Variants in RO60 observed in about 807,000 individuals in gnomAD.
The protein encoded by RO60 is Ro60, Y RNA binding protein.
A neutral mutation model predicts 55.3 loss-of-function variants in RO60; 20 were observed. That is an observed-to-expected ratio of 0.36 (90% confidence interval 0.25 to 0.53). The LOEUF is 0.53. Among genes scored for constraint, RO60 ranks in the 20% least tolerant of loss-of-function variants. The probability of loss-of-function intolerance (pLI) is 0.92; values close to 1 mark genes in which losing one functional copy is unlikely to be tolerated. For missense variants in RO60, 558 were observed against 646.6 expected, an observed-to-expected ratio of 0.86 and a Z score of 1.49; for synonymous variants, 213 against 213.6, an observed-to-expected ratio of 1.00 and a Z score of 0.02.
intron 2 of RO60, 77 bp downstream of exon 2, chr1:193,069,711 G>A: frequency 1.8e-6 from 2 of 1,134,954 alleles, no homozygotes; most frequent in South Asian, 1.6e-5. Context: ...TTTAACATAA[G>A]ACAAGTGTGT....
At chr1:193,067,734 A>AGGGAT (rs976717686) in intron 1 of RO60, among the ~76,000 whole-genome samples, 2 of 152,188 alleles carry the variant, frequency 1.3e-5, no homozygotes, top group African/African-American at 4.8e-5. Flanking sequence ...AAGGATAAAG[A>AGGGAT]GGGATGTTGT....
intron 2 of RO60, among the ~76,000 whole-genome samples, chr1:193,070,929 TATG>T (rs1168679925): frequency 1.3e-5 from 2 of 152,220 alleles, no homozygotes; most frequent in Non-Finnish European, 1.5e-5. Flanking sequence ...TACAGAAAAA[TATG>T]ATGCAGTCCT....
chr1:193,084,603 A>T lies in RO60; in HGVS notation c.1489A>T (p.Ile497Phe), dbSNP rs749159363. 2 of 1,612,432 alleles carry T rather than the reference A, an allele frequency of 1.2e-6. No individual in the cohort carries two copies. Among genetic ancestry groups the T allele is most frequent in the East Asian group, 2.2e-5 (1 of 44,846 alleles). The change falls in exon 9 of 9, where the codon ATT (isoleucine) becomes TTT (phenylalanine). Residue 497 changes from isoleucine (I) to phenylalanine (F), a missense_variant. Ile to Phe is a conservative substitution (Grantham distance 21). Coordinates refer to ENST00000400968, the MANE Select transcript of RO60 (RefSeq NM_001173524.2). ...RKKMDIPAKLIVCGMTSNGFT... is the reference protein window; with the variant it reads ...RKKMDIPAKLFVCGMTSNGFT... ...GAAAATGGATATTCCAGCTAAATTG[A>T]TTGTTTGTGGAATGACATCAAATGG...
At chr1:193,071,548 A>G (rs1488603469) in intron 2 of RO60, among the ~76,000 whole-genome samples, 1 of 152,054 alleles carries the variant, frequency 6.6e-6, no homozygotes, top group Admixed American at 6.6e-5. Context: ...CAATGAAAAC[A>G]CTTGCATAGA....
chr1:193,085,975 T>C lies in RO60; in HGVS notation c.*1244T>C, dbSNP rs984031330. 1.0e-6 allele frequency: 1 copy of C among 985,226 alleles called. No individual in the cohort carries two copies. Among genetic ancestry groups the C allele is most frequent in the Non-Finnish European group, 1.2e-6 (1 of 829,868 alleles). The allele number at this position is 985,226 out of a possible 1,614,324, so 61.0% of individuals were successfully genotyped here. A position where few individuals can be genotyped will look rare whatever the true frequency, so the allele number is the denominator to read the frequency against. On this transcript the variant is annotated 3_prime_UTR_variant, in exon 9 of 9. Transcript: ENST00000400968. ...TGAGGTTTAACATTAAAGCAATCTGTTGAAATGCCATTATCTTTGCTCATA... is the reference window on the plus strand; with the variant it reads ...TGAGGTTTAACATTAAAGCAATCTGCTGAAATGCCATTATCTTTGCTCATA...
intron 1 of RO60, among the ~76,000 whole-genome samples, chr1:193,062,355 C>G (rs1423799650): frequency 6.6e-6 from 1 of 152,116 alleles, no homozygotes; most frequent in Non-Finnish European, 1.5e-5. Flanking sequence ...TTTTAAAAGT[C>G]AAATATAAAA....
In RO60 at chr1:193,072,950, A is replaced by C. The variant is rs374804645; in HGVS notation, c.581-2870A>C. ...GTAATAGCAATATCACATTGGACAG[A>C]GAATCCCTAGCATTTCAAAGCTTAA... On this transcript the variant is annotated intron_variant, in intron 2 of 8. Coordinates refer to ENST00000400968, the MANE Select transcript of RO60 (RefSeq NM_001173524.2). Among the ~76,000 whole-genome samples, 323 of 152,340 alleles carry C rather than the reference A, an allele frequency of 2.1e-3. 2 individuals are homozygous for C. Among genetic ancestry groups the C allele is most frequent in the African/African-American group, 7.6e-3 (316 of 41,572 alleles).
chr1:193,084,609 T>G lies in RO60; in HGVS notation c.1495T>G (p.Cys499Gly). The G allele has an allele frequency of 6.8e-6, 11 of 1,613,536 alleles. No individual in the cohort carries two copies. The highest frequency in any genetic ancestry group is 9.3e-6 in the Non-Finnish European group (11 of 1,179,786). The change falls in exon 9 of 9, where the codon TGT becomes GGT. Residue 499 changes from cysteine (C) to glycine (G), a missense_variant. Coordinates refer to ENST00000400968, the MANE Select transcript of RO60 (RefSeq NM_001173524.2). ...KMDIPAKLIV[C>G]GMTSNGFTIA... The stretch of plus-strand genomic sequence containing the variant: ...GGATATTCCAGCTAAATTGATTGTT[T>G]GTGGAATGACATCAAATGGTTTCAC...
chr1:193,075,143 G>A (rs141379736), intron 2 of RO60, among the ~76,000 whole-genome samples: 126 of 152,256 alleles, frequency 8.3e-4, no homozygotes, highest in African/African-American at 2.7e-3. Context: ...CTGTTTTACA[G>A]AAGTGGTGAA....
rs1674769912 is a variant in RO60 at position 193,089,544 on chromosome 1, T to A, written c.*4813T>A. The A allele has an allele frequency of 1.3e-5, 2 of 152,090 alleles. No homozygotes were observed. Among genetic ancestry groups the A allele is most frequent in the Admixed American group, 1.3e-4 (2 of 15,276 alleles). 9.4% of individuals were successfully genotyped at this position (152,090 alleles called of 1,614,324 possible). On this transcript the variant is annotated 3_prime_UTR_variant, in exon 9 of 9. Transcript: ENST00000400968. ...GCATACTGTTTGAATAAAATTATAA[T>A]AAATGGCACAATTCCTTAAACCCTG...
At chr1:193,065,314 A>G (rs1673031985) in intron 1 of RO60, among the ~76,000 whole-genome samples, 1 of 152,224 alleles carries the variant, frequency 6.6e-6, no homozygotes, top group African/African-American at 2.4e-5. Context: ...ACAATGAATA[A>G]TACAAGGAAA....
chr1:193,076,010 T>C lies in RO60; in HGVS notation c.771T>C (p.His257=). Residue 257 remains histidine, a synonymous_variant, in exon 3 of 9, where the codon CAT becomes CAC. Coordinates refer to ENST00000400968, the MANE Select transcript of RO60 (RefSeq NM_001173524.2). ...LIEEHRLVRE[H]LLTNHLKSKE... Reference sequence around the variant, plus strand: ...AAGAACATAGATTAGTTAGAGAACATCTTTTAACAAATCACTTAAAGTCTA... The same window carrying C: ...AAGAACATAGATTAGTTAGAGAACACCTTTTAACAAATCACTTAAAGTCTA... 6.2e-7 allele frequency: 1 copy of C among 1,609,624 alleles called. No homozygotes were observed. Among genetic ancestry groups the C allele is most frequent in the South Asian group, 1.1e-5 (1 of 90,298 alleles).
rs1323911232 is a variant in RO60, at chr1:193,088,765, G to C, written c.*4034G>C. On this transcript the variant is annotated 3_prime_UTR_variant, in exon 9 of 9. Coordinates refer to ENST00000400968, the MANE Select transcript of RO60 (RefSeq NM_001173524.2). Reference sequence around the variant, plus strand: ...AAAGAATTTGTAAAAAAAAATGACAGGTTAATCAATGAAATTAGTTGTATT... The same window carrying C: ...AAAGAATTTGTAAAAAAAAATGACACGTTAATCAATGAAATTAGTTGTATT... 1 of 152,080 alleles carries C rather than the reference G, an allele frequency of 6.6e-6. No individual in the cohort carries two copies. The highest frequency in any genetic ancestry group is 1.5e-5 in the Non-Finnish European group (1 of 67,998). The allele number at this position is 152,080 out of a possible 1,614,324, so 9.4% of individuals were successfully genotyped here.
Position 193,077,060 on chromosome 1 carries a change from T to C in RO60, c.1086+10T>C, listed in dbSNP as rs763511668. The C allele has an allele frequency of 2.5e-6, 4 of 1,598,558 alleles. No individual in the cohort carries two copies. The highest frequency in any genetic ancestry group is 2.2e-5 in the South Asian group (2 of 89,100). On this transcript the variant is annotated intron_variant, in intron 5 of 8. Coordinates refer to ENST00000400968, the MANE Select transcript of RO60 (RefSeq NM_001173524.2). ...TTATAAAACATTTAAGGTAGTGATA[T>C]GATTTTTGTTTTAAAACAAATGACT...
intron 1 of RO60, 52 bp from the exon 2 acceptor site, chr1:193,068,982 T>C: frequency 8.2e-7 from 1 of 1,221,724 alleles, no homozygotes. Flanking sequence ...GTTTTCCTTT[T>C]GTAATTTTAT....
Position 193,089,468 on chromosome 1 carries a change from A to G in RO60, c.*4737A>G, listed in dbSNP as rs1157168373. ...CTTTTTTGAAAATTATGAAGTTAAA[A>G]TTTAATTCTAAGGTAGTATTTTTCA... On this transcript the variant is annotated 3_prime_UTR_variant, in exon 9 of 9. Transcript: ENST00000400968. The G allele has an allele frequency of 1.3e-5, 2 of 152,178 alleles. No individual in the cohort carries two copies. Among genetic ancestry groups the G allele is most frequent in the Non-Finnish European group, 2.9e-5 (2 of 68,010 alleles). The allele number at this position is 152,178 out of a possible 1,614,324, so 9.4% of individuals were successfully genotyped here.
chr1:193,089,459 G>A lies in RO60; in HGVS notation c.*4728G>A, dbSNP rs1344993729. The A allele has an allele frequency of 6.6e-6, 1 of 151,922 alleles. No homozygotes were observed. The highest frequency in any genetic ancestry group is 2.4e-5 in the African/African-American group (1 of 41,338). 9.4% of individuals were successfully genotyped at this position (151,922 alleles called of 1,614,324 possible). ...TTTAATTTGCTTTTTTGAAAATTAT[G>A]AAGTTAAAATTTAATTCTAAGGTAG... On this transcript the variant is annotated 3_prime_UTR_variant, in exon 9 of 9. Transcript: ENST00000400968.
In RO60 at chr1:193,059,724, C is replaced by T. The variant is rs1168536062; in HGVS notation, c.-74C>T. On this transcript the variant is annotated 5_prime_UTR_variant, in exon 1 of 9. Coordinates refer to ENST00000400968, the MANE Select transcript of RO60 (RefSeq NM_001173524.2). This position sits in a 1 kb window ranked among gnomAD's most constrained non-coding sequence, Gnocchi z 4.9. ...TCTTTTGTCGTTTCCCAGCGCTGCG[C>T]AGGACTTCTCCTGGCGGCGCTGCGG... 8.9e-6 allele frequency: 12 copies of T among 1,353,570 alleles called. No individual in the cohort carries two copies. Among genetic ancestry groups the T allele is most frequent in the African/African-American group, 1.5e-5 (1 of 67,646 alleles). 83.8% of individuals were successfully genotyped at this position (1,353,570 alleles called of 1,614,324 possible). A position where few individuals can be genotyped will look rare whatever the true frequency, so the allele number is the denominator to read the frequency against.
intron 2 of RO60, 53 bp from the exon 3 acceptor site, chr1:193,075,767 G>GT (rs1673867713): frequency 1.5e-6 from 2 of 1,365,858 alleles, no homozygotes; most frequent in South Asian, 1.3e-5. Context: ...AACATGTTCT[G>GT]TTTTTTTACT....
Sources: gnomAD v4.1 joint callset for allele counts (sites outside exome capture counted in the v4.1 genomes callset) on GRCh38, gnomAD v4.1.1 for gene constraint, Gnocchi (gnomAD v3.1) non-coding constraint, MANE v1.5 for transcripts, NCBI Gene and HGNC (gene_info 2026-07-23, HGNC 2026-07-21) for gene names.